NLGN1: variants seen among roughly 807,000 people sequenced by gnomAD.
NLGN1 encodes neuroligin 1, also known as neuroligin-1.
Under a neutral mutation model 65.5 loss-of-function variants are expected in NLGN1, and 12 were observed. The observed-to-expected ratio is 0.18, with a 90% CI of 0.12 to 0.30. The LOEUF (loss-of-function observed/expected upper bound fraction) is 0.30, where lower values mean the gene tolerates loss of function less well. Ranked by LOEUF, NLGN1 falls within the 10% of genes least tolerant of loss-of-function variation. The probability of loss-of-function intolerance (pLI) is 1.00; values close to 1 mark genes in which losing one functional copy is unlikely to be tolerated. For missense variants in NLGN1, 750 were observed against 1,007.1 expected (o/e 0.74, Z 3.46); for synonymous variants, 350 against 359.5 (o/e 0.97, Z 0.30).
At chr3:173,448,810 A>G (rs1318053078) in intron 2 of NLGN1, among the ~76,000 whole-genome samples, 1 of 152,090 alleles carries the variant, frequency 6.6e-6, no homozygotes, top group Non-Finnish European at 1.5e-5. Context: ...TGTGTCGAGG[A>G]ATTTATCCAT....
intron 4 of NLGN1, among the ~76,000 whole-genome samples, chr3:174,052,224 A>G (rs1735053494): frequency 6.6e-6 from 1 of 152,064 alleles, no homozygotes; most frequent in South Asian, 2.1e-4. Context: ...AAGGCAGGGC[A>G]TGTGTTGTGT....
chr3:173,887,871 T>TA (rs34288164), intron 4 of NLGN1, among the ~76,000 whole-genome samples: 13,130 of 151,516 alleles, frequency 0.087, 709 homozygotes, highest in East Asian at 0.14. Flanking sequence ...AAAATAACAC[T>TA]AAAAAAAACC....
chr3:173,560,145 G>T (rs1178923229), intron 2 of NLGN1, among the ~76,000 whole-genome samples: 2 of 151,558 alleles, frequency 1.3e-5, no homozygotes, highest in Non-Finnish European at 2.9e-5. Context: ...GGGTTTCACC[G>T]CGGTCTCGAT....
intron 4 of NLGN1, among the ~76,000 whole-genome samples, chr3:174,180,628 T>C (rs564077551): frequency 6.6e-6 from 1 of 152,276 alleles, no homozygotes; most frequent in South Asian, 2.1e-4. Flanking sequence ...AGATAATAAC[T>C]CTCACTTTTA....
rs1307008585 is a variant in NLGN1 at position 173,722,275 on chromosome 3, G to A, written c.494-85405G>A. 3.7e-5 allele frequency among the ~76,000 whole-genome samples: 4 copies of A among 109,512 alleles called. No homozygotes were observed. The Admixed American group carries it at 3.9e-4, about 11-fold the overall frequency. The allele number at this position is 109,512 out of a possible 152,430, so 71.8% of individuals were successfully genotyped here. ...TTTTTTTTTTTTTTAACAGAGTCTT[G>A]CTCTGTTGCTCAGGCTGGAGTGCAA... is the stretch of plus-strand genomic sequence containing the variant. On this transcript the variant is annotated intron_variant, in intron 3 of 6. Coordinates refer to ENST00000457714, the Ensembl canonical transcript of NLGN1.
At chr3:173,411,409 G>T (rs960592049) in intron 1 of NLGN1, among the ~76,000 whole-genome samples, 1 of 152,148 alleles carries the variant, frequency 6.6e-6, no homozygotes, top group African/African-American at 2.4e-5. Flanking sequence ...GGAGCCCTCG[G>T]TTGCCACTTG....
intron 4 of NLGN1, among the ~76,000 whole-genome samples, chr3:174,270,149 A>T (rs1265683361): frequency 7.9e-6 from 1 of 127,324 alleles, no homozygotes; most frequent in African/African-American, 3.0e-5. Context: ...TTTGATGTGC[A>T]GATGTTTTGA....
At chr3:173,852,538 A>C (rs1428890845) in intron 4 of NLGN1, among the ~76,000 whole-genome samples, 7 of 152,058 alleles carry the variant, frequency 4.6e-5, no homozygotes, top group Non-Finnish European at 1.0e-4. Context: ...CTAATCTTGT[A>C]TTTCAGAGGC....
At chr3:173,660,914 C>G (rs1387347017) in intron 3 of NLGN1, among the ~76,000 whole-genome samples, 1 of 151,938 alleles carries the variant, frequency 6.6e-6, no homozygotes, top group African/African-American at 2.4e-5. Flanking sequence ...CAAACATTAC[C>G]TCTTCATGTA....
chr3:173,749,339 G>A (rs1775995101), intron 3 of NLGN1, among the ~76,000 whole-genome samples: 1 of 151,902 alleles, frequency 6.6e-6, no homozygotes, highest in Non-Finnish European at 1.5e-5. Flanking sequence ...AGCCCTATTG[G>A]CCCCAGGCAG....
At chr3:174,137,328 AG>A (rs1721397265) in intron 4 of NLGN1, among the ~76,000 whole-genome samples, 1 of 152,140 alleles carries the variant, frequency 6.6e-6, no homozygotes, top group Admixed American at 6.5e-5. Flanking sequence ...TGGTTTCCTA[AG>A]GCTGTTTAAA....
chr3:173,578,262 G>A (rs1307842694), intron 2 of NLGN1, among the ~76,000 whole-genome samples: 1 of 151,390 alleles, frequency 6.6e-6, no homozygotes, highest in Non-Finnish European at 1.5e-5. Flanking sequence ...AGAAGAAGAT[G>A]TAATTTTAAG....
intron 3 of NLGN1, among the ~76,000 whole-genome samples, chr3:173,649,279 T>C (rs553209096): frequency 3.3e-5 from 5 of 152,106 alleles, no homozygotes; most frequent in African/African-American, 1.2e-4. Flanking sequence ...AAGAACACTG[T>C]TGGGAGTGAT....
At chr3:174,229,416 A>G (rs796550763) in intron 4 of NLGN1, among the ~76,000 whole-genome samples, 7 of 152,254 alleles carry the variant, frequency 4.6e-5, no homozygotes, top group East Asian at 1.9e-4. Context: ...CTCTTTCCGC[A>G]TCTCCATAAA....
intron 4 of NLGN1, among the ~76,000 whole-genome samples, chr3:173,886,231 A>G (rs920551673): frequency 6.6e-5 from 10 of 152,078 alleles, no homozygotes; most frequent in Non-Finnish European, 1.3e-4. Context: ...CAAAAGAAGA[A>G]CACTCATGAA....
chr3:174,109,489 C>T (rs950122610), intron 4 of NLGN1, among the ~76,000 whole-genome samples: 1 of 152,006 alleles, frequency 6.6e-6, no homozygotes, highest in African/African-American at 2.4e-5. Context: ...TTTGACCATG[C>T]ACATTTTATT....
At chr3:173,948,728 C>T (rs1396804508) in intron 4 of NLGN1, among the ~76,000 whole-genome samples, 1 of 152,142 alleles carries the variant, frequency 6.6e-6, no homozygotes, top group African/African-American at 2.4e-5. Context: ...TCAAACTGTT[C>T]TGAAACTCCA....
chr3:173,852,517 C>A (rs13076656), intron 4 of NLGN1, among the ~76,000 whole-genome samples: 126,890 of 151,990 alleles, frequency 0.83, 53,524 homozygotes, highest in Non-Finnish European at 0.89. Flanking sequence ...ATAAAAATTT[C>A]TAATATTGAA....
At chr3:173,667,345 G>T (rs1761851459) in intron 3 of NLGN1, among the ~76,000 whole-genome samples, 1 of 151,648 alleles carries the variant, frequency 6.6e-6, no homozygotes, top group African/African-American at 2.4e-5. Context: ...CAGTAGATAT[G>T]TATACTTCTT....
Sources: gnomAD v4.1 joint callset for allele counts (sites outside exome capture counted in the v4.1 genomes callset) on GRCh38, gnomAD v4.1.1 for gene constraint, MANE v1.5 for transcripts, NCBI Gene and HGNC (gene_info 2026-07-23, HGNC 2026-07-21) for gene names.